The following PRR14L variants were observed in gnomAD, a reference collection of about 807,000 sequenced individuals.
PRR14L encodes proline rich 14 like, also known as protein PRR14L.
A neutral mutation model predicts 155.0 loss-of-function variants in PRR14L; 80 were observed. That is an observed-to-expected ratio of 0.52 (90% CI 0.43 to 0.62). The LOEUF (loss-of-function observed/expected upper bound fraction) is 0.62, where lower values mean the gene tolerates loss of function less well. PRR14L is among the 20% of genes least tolerant of loss of function. The pLI is 0.00. For synonymous variants in PRR14L, 883 were observed against 916.0 expected, an observed-to-expected ratio of 0.96 and a Z score of 0.65; for missense variants, 2,469 against 2,548.0, an observed-to-expected ratio of 0.97 and a Z score of 0.67.
At chr22:31,735,702 A>G (rs2074776493) in intron 2 of PRR14L, among the ~76,000 whole-genome samples, 2 of 151,550 alleles carry the variant, frequency 1.3e-5, no homozygotes, top group African/African-American at 2.4e-5. Flanking sequence ...AAGAAGTAAC[A>G]CAATAGGAAC....
Position 31,716,853 on chromosome 22 carries a change from C to T in PRR14L, c.986G>A (p.Ser329Asn). The change falls in exon 4 of 9, where the codon AGT becomes AAT. Residue 329 changes from serine to asparagine, a missense_variant. By Grantham distance (46) the Ser-to-Asn change is conservative (BLOSUM62 1). This residue lies in a region of PRR14L where 2,363 missense variants were observed against 2,371.6 expected (regional missense o/e 1.00). Coordinates refer to ENST00000327423, the MANE Select transcript of PRR14L (RefSeq NM_173566.3). The stretch of plus-strand genomic sequence containing the variant: ...TTTCAAAGGGCTTGTGGCTGTGGGA[C>T]TATCATGTGTAGAACTGGGTTGTTC... ...HNEQPSSTHD[S>N]PTATSPLKEN... 1 of 1,551,884 alleles carries T rather than the reference C, an allele frequency of 6.4e-7. No homozygotes were observed. The highest frequency in any genetic ancestry group is 8.7e-7 in the Non-Finnish European group (1 of 1,147,018).
At chr22:31,729,581 G>C (rs1031927520) in intron 2 of PRR14L, among the ~76,000 whole-genome samples, 10 of 152,120 alleles carry the variant, frequency 6.6e-5, no homozygotes, top group African/African-American at 2.4e-4. Flanking sequence ...TATTTTACTG[G>C]TTTAACTTCT....
At chr22:31,710,999 C>T (rs2074618003) in intron 4 of PRR14L, among the ~76,000 whole-genome samples, 1 of 152,128 alleles carries the variant, frequency 6.6e-6, no homozygotes, top group South Asian at 2.1e-4. Context: ...TCTGGTGATA[C>T]CTGTGTAATT....
chr22:31,727,055 G>T (rs1569499900), intron 2 of PRR14L, among the ~76,000 whole-genome samples: 1 of 152,142 alleles, frequency 6.6e-6, no homozygotes, highest in Non-Finnish European at 1.5e-5. Context: ...GATCCCAAAG[G>T]TCTCTGGTGA....
chr22:31,715,599 G>A lies in PRR14L; in HGVS notation c.2240C>T (p.Ala747Val). 6.4e-7 allele frequency: 1 copy of A among 1,552,020 alleles called. No individual in the cohort carries two copies. Among genetic ancestry groups the A allele is most frequent in the Non-Finnish European group, 8.7e-7 (1 of 1,147,062 alleles). ...ATGTAGAGCTTTTGTTCCTGAATCA[G>A]CCATTTCCTTTTTTCTCTCTAGGCT... is the stretch of plus-strand genomic sequence containing the variant. ...PVSLERKKEM[A>V]DSGTKALHSR... The change falls in exon 4 of 9, where the codon GCT becomes GTT. Residue 747 changes from alanine (A) to valine (V), a missense_variant. Coordinates refer to ENST00000327423, the MANE Select transcript of PRR14L (RefSeq NM_173566.3).
At chr22:31,746,860 G>C (rs910371215) in intron 1 of PRR14L, among the ~76,000 whole-genome samples, 3 of 149,488 alleles carry the variant, frequency 2.0e-5, no homozygotes, top group Non-Finnish European at 4.4e-5. Context: ...GCAGTGGCGC[G>C]ATCTTGGCTC....
intron 4 of PRR14L, among the ~76,000 whole-genome samples, chr22:31,711,733 G>C (rs1200833938): frequency 8.0e-6 from 1 of 124,278 alleles, no homozygotes; most frequent in Admixed American, 1.1e-4. Flanking sequence ...GCGGTAAGCC[G>C]ACATTGCACC....
At chr22:31,693,781 T>A (rs1681137078) in intron 7 of PRR14L, among the ~76,000 whole-genome samples, 1 of 152,222 alleles carries the variant, frequency 6.6e-6, no homozygotes, top group African/African-American at 2.4e-5. Flanking sequence ...GAAAATTTTG[T>A]TCTGGTGTGC....
chr22:31,716,307 C>T lies in PRR14L; in HGVS notation c.1532G>A (p.Ser511Asn). ...TTCAATCTGCATCAAGGAGGAAAAA[C>T]TGCTTTCTTCAGAGTGTCCACCAGG... ...SHPGGHSEES[S>N]FSSLMQIEEA... The change falls in exon 4 of 9, where the codon AGT (serine) becomes AAT (asparagine). Residue 511 changes from serine (S) to asparagine (N), a missense_variant. This residue lies in a region of PRR14L where 2,363 missense variants were observed against 2,371.6 expected (regional missense o/e 1.00). Transcript: ENST00000327423. 6.4e-7 allele frequency: 1 copy of T among 1,551,686 alleles called. No individual in the cohort carries two copies. Among genetic ancestry groups the T allele is most frequent in the South Asian group, 1.2e-5 (1 of 84,064 alleles).
intron 2 of PRR14L, among the ~76,000 whole-genome samples, chr22:31,736,205 C>T (rs2074780244): frequency 7.8e-6 from 1 of 128,226 alleles, no homozygotes; most frequent in Non-Finnish European, 1.6e-5. Flanking sequence ...GGCAATAGAA[C>T]GAGACTCCAT....
Position 31,717,134 on chromosome 22 carries a change from G to A in PRR14L, c.705C>T (p.Asp235=). ...AAACCTCATCACTGGTCATGATTTT[G>A]TCTACTTCTTGGAATTCACCGCATC... ...SAGCGEFQEV[D]KIMTSDEVSE... Residue 235 remains aspartate, a synonymous_variant, in exon 4 of 9, where the codon GAC becomes GAT. Coordinates refer to ENST00000327423, the MANE Select transcript of PRR14L (RefSeq NM_173566.3). 1.3e-6 allele frequency: 2 copies of A among 1,552,296 alleles called. No individual in the cohort carries two copies.
Position 31,715,407 on chromosome 22 carries a change from T to G in PRR14L, c.2432A>C (p.Lys811Thr). ...AGAGTTATCAACTTGCAGGCTGATTTTGCTGGACTTGAAAGCAGCAGAAGC... is the reference window on the plus strand; with the variant it reads ...AGAGTTATCAACTTGCAGGCTGATTGTGCTGGACTTGAAAGCAGCAGAAGC... ...CSASAAFKSSKISLQVDNSLI... is the reference protein window; with the variant it reads ...CSASAAFKSSTISLQVDNSLI... Residue 811 changes from lysine to threonine, a missense_variant, in exon 4 of 9, where the codon AAA (lysine) becomes ACA (threonine). Transcript: ENST00000327423. 1 of 1,552,338 alleles carries G rather than the reference T, an allele frequency of 6.4e-7. No homozygotes were observed.
At chr22:31,718,245 G>C (rs1000048976) in intron 3 of PRR14L, among the ~76,000 whole-genome samples, 1 of 108,834 alleles carries the variant, frequency 9.2e-6, no homozygotes, top group African/African-American at 3.5e-5. Flanking sequence ...CTAATTTTTT[G>C]GGGGGGTTTT....
rs571459023 is a variant in PRR14L at position 31,715,597 on chromosome 22, C to A, written c.2242G>T (p.Asp748Tyr). Residue 748 changes from aspartate (D) to tyrosine (Y), a missense_variant, in exon 4 of 9, where the codon GAT becomes TAT. Asp to Tyr is a radical substitution (Grantham distance 160, BLOSUM62 -3). Transcript: ENST00000327423. ...GAATGTAGAGCTTTTGTTCCTGAAT[C>A]AGCCATTTCCTTTTTTCTCTCTAGG... The part of the protein sequence containing the change: ...VSLERKKEMA[D>Y]SGTKALHSRL... The A allele has an allele frequency of 1.3e-6, 2 of 1,552,032 alleles. No individual in the cohort carries two copies. Among genetic ancestry groups the A allele is most frequent in the Non-Finnish European group, 1.7e-6 (2 of 1,147,070 alleles).
intron 4 of PRR14L, among the ~76,000 whole-genome samples, chr22:31,711,725 G>A (rs142719423): frequency 0.015 from 2,174 of 145,778 alleles, 55 homozygotes; most frequent in African/African-American, 0.053. Context: ...CGGAGGTTGC[G>A]GTAAGCCGAC....
chr22:31,713,048 C>T lies in PRR14L; in HGVS notation c.4791G>A (p.Pro1597=), dbSNP rs765348719. 14 of 1,552,134 alleles carry T rather than the reference C, an allele frequency of 9.0e-6. No individual in the cohort carries two copies. Among genetic ancestry groups the T allele is most frequent in the African/African-American group, 4.1e-5 (3 of 73,024 alleles). Residue 1597 remains proline, a synonymous_variant, in exon 4 of 9, where the codon CCG becomes CCA. Coordinates refer to ENST00000327423, the MANE Select transcript of PRR14L (RefSeq NM_173566.3). The stretch of plus-strand genomic sequence containing the variant: ...AATTCAGGCTCCTCAAGGGATGGCA[C>T]GGTGTAGACATCTGCTTTGGTATGT... ...VSHIPKQMST[P]CHPLRSLNFR... is the part of the protein sequence containing the mutation.
In PRR14L at chr22:31,715,951, A is replaced by G; in HGVS notation, c.1888T>C (p.Cys630Arg). 1.3e-6 allele frequency: 2 copies of G among 1,551,800 alleles called. No homozygotes were observed. The highest frequency in any genetic ancestry group is 1.7e-6 in the Non-Finnish European group (2 of 1,146,984). ...GTACAAGAAAGTTCATTCATCTCACAGGCTATGCTCTGTTCATCTAAAAGT... is the reference window on the plus strand; with the variant it reads ...GTACAAGAAAGTTCATTCATCTCACGGGCTATGCTCTGTTCATCTAAAAGT... ...IPLLDEQSIACEMNELSCTNE... is the reference protein window; with the variant it reads ...IPLLDEQSIAREMNELSCTNE... Residue 630 changes from cysteine (C) to arginine (R), a missense_variant, in exon 4 of 9, where the codon TGT (cysteine) becomes CGT (arginine). This residue lies in a region of PRR14L where 2,363 missense variants were observed against 2,371.6 expected (regional missense o/e 1.00). Coordinates refer to ENST00000327423, the MANE Select transcript of PRR14L (RefSeq NM_173566.3).
intron 7 of PRR14L, among the ~76,000 whole-genome samples, chr22:31,697,581 A>G (rs2074541720): frequency 1.3e-5 from 2 of 152,126 alleles, no homozygotes; most frequent in Admixed American, 6.6e-5. Flanking sequence ...CAACATATAC[A>G]TGGGATCGGC....
rs572554691 is a variant in PRR14L, at chr22:31,728,378, C to T, written c.475-2768G>A. ...CTGTAATCCCAGCACTTTGGGAGGC[C>T]GAGGAGGGCGGATCACCTGAGGTCA... On this transcript the variant is annotated intron_variant, in intron 2 of 8. Coordinates refer to ENST00000327423, the MANE Select transcript of PRR14L (RefSeq NM_173566.3). Among the ~76,000 whole-genome samples the T allele has an allele frequency of 1.1e-4, 16 of 151,932 alleles. No individual in the cohort carries two copies. The South Asian group carries it at 2.7e-3, about 26-fold the overall frequency.
Sources: allele counts gnomAD v4.1 joint callset (sites outside exome capture counted in the v4.1 genomes callset), GRCh38; gene constraint gnomAD v4.1.1; regional missense constraint gnomAD v4.1.1; transcripts MANE v1.5; gene names NCBI Gene and HGNC (gene_info 2026-07-23, HGNC 2026-07-21).